Variants in PGM5 observed in about 807,000 individuals in gnomAD.
The protein encoded by PGM5 is phosphoglucomutase 5, also known as phosphoglucomutase-like protein 5.
In PGM5, 23 loss-of-function variants were observed where a neutral mutation model predicts 59.2. The ratio of observed to expected loss-of-function variants is 0.39; its 90% CI spans 0.28 to 0.55. The LOEUF is 0.55. Among genes scored for constraint, PGM5 ranks in the 20% least tolerant of loss-of-function variants. The pLI is 0.66. For missense variants in PGM5, 574 were observed against 748.3 expected (o/e 0.77, Z 2.72); for synonymous variants, 214 against 286.0 (o/e 0.75, Z 2.54).
In PGM5 at chr9:68,437,170, C is replaced by A. The variant is rs576137478; in HGVS notation, c.1044-27923C>A. Among the ~76,000 whole-genome samples the A allele has an allele frequency of 2.6e-5, 4 of 152,316 alleles. No homozygotes were observed. The East Asian group carries it at 7.7e-4, about 29-fold the overall frequency. On this transcript the variant is annotated intron_variant, in intron 6 of 10. Coordinates refer to ENST00000396396, the MANE Select transcript of PGM5 (RefSeq NM_021965.4). The surrounding 1 kb of genome is among the most constrained non-coding windows in gnomAD (Gnocchi z 4.1). ...AAATTAAAATCAAATGAGATCATGA[C>A]ACATACCTGTCAGTGACATGCAAAT...
chr9:68,507,603 T>A (rs1398087856), intron 10 of PGM5, among the ~76,000 whole-genome samples: 1 of 142,040 alleles, frequency 7.0e-6, no homozygotes, highest in African/African-American at 2.6e-5. Context: ...TTTTTTTTTT[T>A]AAGAAACAAG....
intron 10 of PGM5, among the ~76,000 whole-genome samples, chr9:68,528,830 T>C (rs904661381): frequency 6.6e-5 from 10 of 152,224 alleles, no homozygotes; most frequent in Non-Finnish European, 1.2e-4. Flanking sequence ...AGCAATACCA[T>C]ATCCATGCAC....
At chr9:68,371,117 G>A (rs2131983336) in intron 1 of PGM5, among the ~76,000 whole-genome samples, 1 of 152,274 alleles carries the variant, frequency 6.6e-6, no homozygotes, top group South Asian at 2.1e-4. Flanking sequence ...GGAGTTGAAG[G>A]AAATGCCCCT....
At chr9:68,497,089 A>G (rs1824493784) in intron 9 of PGM5, 1 of 152,208 alleles carries the variant, frequency 6.6e-6, no homozygotes, top group South Asian at 2.1e-4. Context: ...TTGGGGATTT[A>G]TTGTAGGTTT....
chr9:68,380,264 G>A (rs1460524126), intron 2 of PGM5, among the ~76,000 whole-genome samples: 1 of 152,046 alleles, frequency 6.6e-6, no homozygotes, highest in African/African-American at 2.4e-5. Context: ...AACCACAATG[G>A]TGTGAAGCTA....
intron 7 of PGM5, 102 bp downstream of exon 7, chr9:68,465,310 T>C: frequency 1.3e-6 from 1 of 755,208 alleles, no homozygotes; most frequent in South Asian, 1.6e-5. Flanking sequence ...GAGGAACAGT[T>C]AAGTAGAGGC....
At chr9:68,422,020 T>A (rs1249853436) in intron 6 of PGM5, among the ~76,000 whole-genome samples, 2 of 152,038 alleles carry the variant, frequency 1.3e-5, no homozygotes, top group African/African-American at 4.8e-5. Context: ...CACTTTTATT[T>A]ATTTTAAATA....
chr9:68,475,867 A>G (rs529320479), intron 7 of PGM5, among the ~76,000 whole-genome samples: 1 of 152,244 alleles, frequency 6.6e-6, no homozygotes, highest in African/African-American at 2.4e-5. Flanking sequence ...AAGTAAATAA[A>G]TAAATTAGCC....
At chr9:68,447,204 C>T (rs1217559504) in intron 6 of PGM5, among the ~76,000 whole-genome samples, 3 of 152,214 alleles carry the variant, frequency 2.0e-5, no homozygotes, top group African/African-American at 7.2e-5. Flanking sequence ...CCAAATGCAG[C>T]CGACCTCTTA....
At chr9:68,391,805 C>T in intron 5 of PGM5, 81 bp downstream of exon 5, 1 of 1,393,302 alleles carries the variant, frequency 7.2e-7, no homozygotes, top group South Asian at 1.3e-5. Flanking sequence ...TTAATGAACA[C>T]ATCTGGAGCT....
chr9:68,366,582 C>G (rs1834683386), intron 1 of PGM5, among the ~76,000 whole-genome samples: 1 of 152,276 alleles, frequency 6.6e-6, no homozygotes, highest in African/African-American at 2.4e-5. Flanking sequence ...CTATCTATTC[C>G]ATATACATCT....
chr9:68,364,292 G>C (rs1554676500), intron 1 of PGM5, among the ~76,000 whole-genome samples: 1 of 151,202 alleles, frequency 6.6e-6, no homozygotes, highest in Admixed American at 6.6e-5. Flanking sequence ...AAAGCTGGTT[G>C]CTCTAAAGAA....
intron 6 of PGM5, chr9:68,428,614 A>C (rs1823286172): frequency 6.6e-6 from 1 of 152,176 alleles, no homozygotes. Context: ...GAGTATGGAA[A>C]TATATATCTG....
chr9:68,487,497 C>A (rs373220044), intron 9 of PGM5, among the ~76,000 whole-genome samples: 20 of 148,562 alleles, frequency 1.3e-4, no homozygotes, highest in African/African-American at 4.8e-4. Context: ...CACACACACA[C>A]AAATCAGGTG....
chr9:68,500,675 T>A (rs970802427), intron 10 of PGM5, among the ~76,000 whole-genome samples: 10 of 152,212 alleles, frequency 6.6e-5, no homozygotes, highest in African/African-American at 2.4e-4. Flanking sequence ...TAAAACACTA[T>A]TCTACATCTC....
intron 10 of PGM5, among the ~76,000 whole-genome samples, chr9:68,513,317 A>G (rs1044897301): frequency 6.6e-6 from 1 of 152,242 alleles, no homozygotes; most frequent in Admixed American, 6.5e-5. Context: ...TTATGTTTGT[A>G]TTCATGAAAT....
intron 6 of PGM5, among the ~76,000 whole-genome samples, chr9:68,407,681 A>C (rs1420464049): frequency 2.0e-5 from 3 of 152,210 alleles, no homozygotes; most frequent in South Asian, 4.1e-4. Flanking sequence ...ACTTCTGATA[A>C]TAGGGGTTTG....
intron 9 of PGM5, among the ~76,000 whole-genome samples, chr9:68,488,403 C>T (rs1049919442): frequency 2.0e-5 from 3 of 152,246 alleles, no homozygotes; most frequent in Non-Finnish European, 4.4e-5. Context: ...AGAAATGCTT[C>T]TCCATCCAAA....
At chr9:68,426,275 G>T (rs920537286) in intron 6 of PGM5, among the ~76,000 whole-genome samples, 10 of 147,296 alleles carry the variant, frequency 6.8e-5, no homozygotes, top group Non-Finnish European at 3.0e-5. Flanking sequence ...AAAAAAAAAA[G>T]AGGATGTCAC....
Sources: allele counts gnomAD v4.1 joint callset (sites outside exome capture counted in the v4.1 genomes callset), GRCh38; gene constraint gnomAD v4.1.1; non-coding constraint Gnocchi (gnomAD v3.1); transcripts MANE v1.5; gene names NCBI Gene and HGNC (gene_info 2026-07-23, HGNC 2026-07-21).